The following BCKDHB variants were observed in gnomAD, a reference collection of about 807,000 sequenced individuals.
BCKDHB encodes the protein 2-oxoisovalerate dehydrogenase subunit beta, mitochondrial.
A neutral mutation model predicts 48.5 loss-of-function variants in BCKDHB; 41 were observed. The ratio of observed to expected loss-of-function variants is 0.85; its 90% CI spans 0.66 to 1.10. The LOEUF (loss-of-function observed/expected upper bound fraction) is 1.10. Among genes scored for constraint, BCKDHB ranks in the 50% least tolerant of loss-of-function variants. The probability of loss-of-function intolerance (pLI) is 0.00; values close to 1 mark genes in which losing one functional copy is unlikely to be tolerated. For synonymous variants in BCKDHB, 201 were observed against 174.8 expected (o/e 1.15, Z -1.18); for missense variants, 496 against 494.2 (o/e 1.00, Z -0.03).
intron 8 of BCKDHB, among the ~76,000 whole-genome samples, chr6:80,231,740 G>A (rs536574232): frequency 1.3e-5 from 2 of 152,208 alleles, no homozygotes; most frequent in Non-Finnish European, 2.9e-5. Flanking sequence ...GCCGAAGCAG[G>A]CGGATTATGA....
chr6:80,421,612 G>T, the BCKDHB span, among the ~76,000 whole-genome samples: 1 of 152,208 alleles, frequency 6.6e-6, no homozygotes, highest in African/African-American at 2.4e-5. Context: ...TCAAGCTTGA[G>T]ATGGTCTCAG....
the BCKDHB span, among the ~76,000 whole-genome samples, chr6:80,373,430 T>TTTG: frequency 0.019 from 2,908 of 152,176 alleles, 86 homozygotes; most frequent in African/African-American, 0.067. Flanking sequence ...TATTATCTTT[T>TTTG]TTGTTGTTGT....
At chr6:80,432,432 G>A in the BCKDHB span, among the ~76,000 whole-genome samples, 5 of 151,808 alleles carry the variant, frequency 3.3e-5, no homozygotes, top group Non-Finnish European at 7.4e-5. Flanking sequence ...CATTAAGTTG[G>A]TCTTCAATCA....
At chr6:80,375,141 T>G in the BCKDHB span, among the ~76,000 whole-genome samples, 1 of 152,198 alleles carries the variant, frequency 6.6e-6, no homozygotes, top group South Asian at 2.1e-4. Flanking sequence ...GTGATGATCT[T>G]TTTATGATGA....
At position 80,343,853 on chromosome 6, in the gene BCKDHB, A is replaced by G. The variant is rs368823165; in HGVS notation, c.*49A>G. On this transcript the variant is annotated 3_prime_UTR_variant, in exon 10 of 10. Transcript: ENST00000320393. ...GAGAAAGCTACTATGTGCCCCTGACATTAACGTACTGTTAACCAAGACACA... is the reference window on the plus strand; with the variant it reads ...GAGAAAGCTACTATGTGCCCCTGACGTTAACGTACTGTTAACCAAGACACA... 3.1e-6 allele frequency: 5 copies of G among 1,597,670 alleles called. No homozygotes were observed. The African/African-American group carries it at 5.4e-5, about 17-fold the overall frequency.
chr6:80,203,199 A>G lies in BCKDHB; in HGVS notation c.938A>G (p.Asp313Gly). The change falls in exon 8 of 10, where the codon GAC becomes GGC. Residue 313 changes from aspartate to glycine, a missense_variant. Coordinates refer to ENST00000320393, the MANE Select transcript of BCKDHB (RefSeq NM_183050.4). ...DLRTIIPWDV[D>G]TICKSVIKTG... is the part of the protein sequence containing the mutation. ...AGGACTATAATACCTTGGGATGTGG[A>G]CACAATTTGTAAGGTATGAATATAA... is the stretch of plus-strand genomic sequence containing the variant. 6.2e-7 allele frequency: 1 copy of G among 1,600,396 alleles called. No individual in the cohort carries two copies. Among genetic ancestry groups the G allele is most frequent in the East Asian group, 2.2e-5 (1 of 44,780 alleles).
In BCKDHB at chr6:80,233,102, G is replaced by T. The variant is rs1582408314; in HGVS notation, c.951+29890G>T. On this transcript the variant is annotated intron_variant, in intron 8 of 9. Coordinates refer to ENST00000320393, the MANE Select transcript of BCKDHB (RefSeq NM_183050.4). ...TCCAATACTCATGCTTAATATGCTTGTTTTTATATTTTCAGGTATGAAAGA... is the reference window on the plus strand; with the variant it reads ...TCCAATACTCATGCTTAATATGCTTTTTTTTATATTTTCAGGTATGAAAGA... 2.6e-5 allele frequency among the ~76,000 whole-genome samples: 4 copies of T among 152,126 alleles called. No homozygotes were observed. In the South Asian group the frequency reaches 6.2e-4, roughly 24 times the overall value.
chr6:80,179,069 A>G (rs1489914349), intron 6 of BCKDHB, among the ~76,000 whole-genome samples: 1 of 152,020 alleles, frequency 6.6e-6, no homozygotes, highest in Non-Finnish European at 1.5e-5. Flanking sequence ...GTTACCCAGG[A>G]TGGAGTGCAG....
the BCKDHB span, among the ~76,000 whole-genome samples, chr6:80,435,257 T>A: frequency 1.3e-5 from 2 of 152,310 alleles, no homozygotes; most frequent in Admixed American, 6.5e-5. Flanking sequence ...TGGGCACAAT[T>A]TGATTTTACT....
rs191963716 is a variant in BCKDHB at position 80,281,027 on chromosome 6, C to T, written c.1038+7806C>T. Among the ~76,000 whole-genome samples, 198 of 147,414 alleles carry T rather than the reference C, an allele frequency of 1.3e-3. 1 individual carries two copies. The highest frequency in any genetic ancestry group is 3.5e-3 in the African/African-American group (138 of 39,678). On this transcript the variant is annotated intron_variant, in intron 9 of 9. Coordinates refer to ENST00000320393, the MANE Select transcript of BCKDHB (RefSeq NM_183050.4). The stretch of plus-strand genomic sequence containing the variant: ...AATATCATTGAAGAACAGGTGTATG[C>T]GTGTGTGTGTGTGTGTGTGTGTATA...
intron 8 of BCKDHB, among the ~76,000 whole-genome samples, chr6:80,245,564 C>G (rs922521000): frequency 6.6e-6 from 1 of 152,126 alleles, no homozygotes; most frequent in Non-Finnish European, 1.5e-5. Context: ...CATGTGTACT[C>G]TCAGTCACAG....
At chr6:80,374,153 GTATGGGTTAATCCGAC>G in the BCKDHB span, 1 of 714,836 alleles carries the variant, frequency 1.4e-6, no homozygotes, top group Non-Finnish European at 2.6e-6. Context: ...GAGAGCTCAT[GTATGGGTTAATCCGAC>G]TATGAGCTCT....
intron 6 of BCKDHB, among the ~76,000 whole-genome samples, chr6:80,174,528 C>T (rs886701582): frequency 1.3e-5 from 2 of 152,100 alleles, no homozygotes; most frequent in African/African-American, 2.4e-5. Flanking sequence ...GGTATATTTT[C>T]CACCCACATT....
intron 3 of BCKDHB, among the ~76,000 whole-genome samples, chr6:80,146,824 T>C (rs1771512534): frequency 6.6e-6 from 1 of 152,130 alleles, no homozygotes; most frequent in South Asian, 2.1e-4. Flanking sequence ...AATCTGGAGG[T>C]TAATTCTCCA....
chr6:80,127,106 C>T (rs1048063072), intron 1 of BCKDHB, among the ~76,000 whole-genome samples: 6 of 152,058 alleles, frequency 3.9e-5, no homozygotes, highest in South Asian at 4.2e-4. Context: ...TATCTTTACC[C>T]TTCCTTATTG....
At chr6:80,466,338 CAT>C in the BCKDHB span, among the ~76,000 whole-genome samples, 2 of 152,178 alleles carry the variant, frequency 1.3e-5, no homozygotes, top group East Asian at 3.9e-4. Context: ...AGAAATAAGA[CAT>C]GTAGGCATTT....
At chr6:80,313,535 A>G (rs536919267) in intron 9 of BCKDHB, among the ~76,000 whole-genome samples, 3 of 151,974 alleles carry the variant, frequency 2.0e-5, no homozygotes, top group South Asian at 2.1e-4. Context: ...TAATTTTTGT[A>G]TTTTTAGTAG....
chr6:80,350,672 C>G (rs188724097), downstream of BCKDHB, among the ~76,000 whole-genome samples: 634 of 151,960 alleles, frequency 4.2e-3, 4 homozygotes, highest in Middle Eastern at 0.021. Flanking sequence ...CCTTTTGTTT[C>G]TTGCTGAGCC....
chr6:80,309,985 G>A (rs891258492), intron 9 of BCKDHB, among the ~76,000 whole-genome samples: 4 of 151,958 alleles, frequency 2.6e-5, no homozygotes, highest in Admixed American at 2.6e-4. Context: ...ATTAGCTTAG[G>A]CTAATGGCCT....
Sources: allele counts gnomAD v4.1 joint callset (sites outside exome capture counted in the v4.1 genomes callset), GRCh38; gene constraint gnomAD v4.1.1; transcripts MANE v1.5; gene names NCBI Gene and HGNC (gene_info 2026-07-23, HGNC 2026-07-21).